NEGR1: variants seen among roughly 807,000 people sequenced by gnomAD.
NEGR1 encodes IgLON family member 4.
Under a neutral mutation model 40.9 loss-of-function variants are expected in NEGR1, and 10 were observed. The observed-to-expected ratio is 0.24, with a 90% CI of 0.15 to 0.42. The LOEUF (loss-of-function observed/expected upper bound fraction) is 0.42, where lower values mean the gene tolerates loss of function less well. Among genes scored for constraint, NEGR1 ranks in the 10% least tolerant of loss-of-function variants. The pLI, the probability that NEGR1 is intolerant of heterozygous loss-of-function variation, is 1.00. For missense variants in NEGR1, 352 were observed against 438.9 expected (o/e 0.80, Z 1.77); for synonymous variants, 185 against 166.8 (o/e 1.11, Z -0.84).
chr1:72,129,101 G>C (rs974439528), intron 1 of NEGR1, among the ~76,000 whole-genome samples: 2 of 152,104 alleles, frequency 1.3e-5, no homozygotes, highest in African/African-American at 4.8e-5. Context: ...GCTCACAGAT[G>C]TCAGATTGTG....
chr1:72,082,058 C>A (rs1648019973), intron 1 of NEGR1, among the ~76,000 whole-genome samples: 1 of 152,042 alleles, frequency 6.6e-6, no homozygotes, highest in African/African-American at 2.4e-5. Context: ...CTCAATTTGA[C>A]CTAGAACTAT....
Position 71,452,816 on chromosome 1 carries a change from CAA to C in NEGR1, c.941-45248_941-45247del, listed in dbSNP as rs5775062. ...TGCAAACAAAGAAACAAAAAAAAAC[CAA>C]AAAAAAAACACAACAGATAACAGTG... On this transcript the variant is annotated intron_variant, in intron 6 of 6. Coordinates refer to ENST00000357731, the MANE Select transcript of NEGR1 (RefSeq NM_173808.3). Among the ~76,000 whole-genome samples, 23 of 148,748 alleles carry C rather than the reference CAA, an allele frequency of 1.5e-4. No individual in the cohort carries two copies. The South Asian group carries it at 2.6e-3, about 17-fold the overall frequency.
intron 6 of NEGR1, among the ~76,000 whole-genome samples, chr1:71,462,372 C>A (rs925045014): frequency 6.6e-6 from 1 of 152,066 alleles, no homozygotes; most frequent in African/African-American, 2.4e-5. Flanking sequence ...TGATAGCATG[C>A]CAGGTAGAGG....
At chr1:72,018,933 T>C (rs1457060590) in intron 1 of NEGR1, among the ~76,000 whole-genome samples, 3 of 152,086 alleles carry the variant, frequency 2.0e-5, no homozygotes, top group South Asian at 2.1e-4. Flanking sequence ...CTTCAGAGAA[T>C]ATGCTATGGA....
chr1:71,733,462 C>T (rs1326084488), intron 3 of NEGR1, among the ~76,000 whole-genome samples: 1 of 152,124 alleles, frequency 6.6e-6, no homozygotes, highest in Non-Finnish European at 1.5e-5. Flanking sequence ...TTACTCTGTT[C>T]CAAATATTCT....
chr1:72,235,401 G>A (rs150210791), intron 1 of NEGR1, among the ~76,000 whole-genome samples: 1 of 151,986 alleles, frequency 6.6e-6, no homozygotes, highest in African/African-American at 2.4e-5. Flanking sequence ...GATAGTTTTC[G>A]AATGGGGAAA....
chr1:71,398,436 A>G lies in NEGR1; in HGVS notation c.*9010T>C. ...ACCTGGATGTGAGAAATGGAGTCAAAGGAGATCATTTTGGAGCTTTAAGAC... is the reference window on the plus strand; with the variant it reads ...ACCTGGATGTGAGAAATGGAGTCAAGGGAGATCATTTTGGAGCTTTAAGAC... On this transcript the variant is annotated 3_prime_UTR_variant, in exon 7 of 7. Transcript: ENST00000357731. The G allele has an allele frequency of 6.5e-6, 1 of 154,248 alleles. No homozygotes were observed. The highest frequency in any genetic ancestry group is 1.4e-5 in the Non-Finnish European group (1 of 69,616). 9.6% of individuals were successfully genotyped at this position (154,248 alleles called of 1,614,324 possible).
chr1:72,049,895 A>G (rs897314573), intron 1 of NEGR1, among the ~76,000 whole-genome samples: 5 of 151,626 alleles, frequency 3.3e-5, no homozygotes, highest in Admixed American at 6.6e-5. Context: ...AAGGTAATGC[A>G]TATCAGGCTC....
intron 1 of NEGR1, among the ~76,000 whole-genome samples, chr1:71,938,025 G>A (rs1432550917): frequency 6.6e-6 from 1 of 151,932 alleles, no homozygotes; most frequent in African/African-American, 2.4e-5. Flanking sequence ...AATGAAAAAA[G>A]GGATCATTTA....
intron 1 of NEGR1, among the ~76,000 whole-genome samples, chr1:72,266,558 A>G (rs1655645958): frequency 6.6e-6 from 1 of 150,994 alleles, no homozygotes; most frequent in Non-Finnish European, 1.5e-5. Flanking sequence ...AAAATACAAG[A>G]AAGGAACTTC....
At chr1:71,687,960 A>C (rs562482556) in intron 4 of NEGR1, among the ~76,000 whole-genome samples, 2 of 152,246 alleles carry the variant, frequency 1.3e-5, no homozygotes, top group East Asian at 3.9e-4. Context: ...AAGATGAAGA[A>C]ATTTGGCAAT....
intron 3 of NEGR1, among the ~76,000 whole-genome samples, chr1:71,744,089 A>T (rs1328559720): frequency 6.6e-6 from 1 of 152,056 alleles, no homozygotes; most frequent in Non-Finnish European, 1.5e-5. Context: ...GGGAAGACAG[A>T]GTTGTCAATT....
chr1:71,736,000 T>C (rs552651062), intron 3 of NEGR1, among the ~76,000 whole-genome samples: 1 of 152,188 alleles, frequency 6.6e-6, no homozygotes, highest in African/African-American at 2.4e-5. Context: ...AAAGAGAATA[T>C]TGACAGAGTT....
chr1:71,710,119 C>G (rs1374501290), intron 3 of NEGR1, among the ~76,000 whole-genome samples: 2 of 152,108 alleles, frequency 1.3e-5, no homozygotes, highest in Admixed American at 6.5e-5. Context: ...ATACAAATAG[C>G]AAACAGGCAT....
chr1:71,470,609 C>T (rs1289693291), intron 6 of NEGR1, among the ~76,000 whole-genome samples: 1 of 152,032 alleles, frequency 6.6e-6, no homozygotes, highest in East Asian at 1.9e-4. Context: ...ACTGCCTGAT[C>T]CTTGTCAATT....
intron 4 of NEGR1, among the ~76,000 whole-genome samples, chr1:71,666,079 CA>C: frequency 6.6e-6 from 1 of 152,232 alleles, no homozygotes; most frequent in South Asian, 2.1e-4. Flanking sequence ...TGTTACCCTC[CA>C]CTAATATTAA....
chr1:72,055,952 C>G (rs1284244750), intron 1 of NEGR1, among the ~76,000 whole-genome samples: 1 of 150,574 alleles, frequency 6.6e-6, no homozygotes, highest in East Asian at 1.9e-4. Flanking sequence ...ACTACTCAAT[C>G]TCTCTGGTTT....
intron 5 of NEGR1, among the ~76,000 whole-genome samples, chr1:71,600,056 A>T (rs1649863602): frequency 6.6e-6 from 1 of 152,190 alleles, no homozygotes; most frequent in African/African-American, 2.4e-5. Context: ...CAAAGAAAAA[A>T]TCCTGAGAAG....
intron 3 of NEGR1, among the ~76,000 whole-genome samples, chr1:71,759,596 C>T (rs1441753786): frequency 5.6e-4 from 18 of 31,958 alleles, no homozygotes; most frequent in East Asian, 2.1e-3. Flanking sequence ...TGCGTCCAGG[C>T]TTTTTTTTTT....
Sources: allele counts gnomAD v4.1 joint callset (sites outside exome capture counted in the v4.1 genomes callset), GRCh38; gene constraint gnomAD v4.1.1; transcripts MANE v1.5; gene names NCBI Gene and HGNC (gene_info 2026-07-23, HGNC 2026-07-21).